The following NOL10 variants were observed in gnomAD, a reference collection of about 807,000 sequenced individuals.
NOL10 encodes the protein nucleolar protein 10.
A neutral mutation model predicts 103.5 loss-of-function variants in NOL10; 58 were observed. The observed-to-expected ratio is 0.56, with a 90% CI of 0.45 to 0.70. NOL10 has a LOEUF of 0.70. Ranked by LOEUF, NOL10 falls within the 30% of genes least tolerant of loss-of-function variation. The pLI is 0.00. For synonymous variants in NOL10, 287 were observed against 282.5 expected (o/e 1.02, Z -0.16); for missense variants, 763 against 807.3 (o/e 0.95, Z 0.67).
At chr2:10,607,058 G>C (rs1676298106) in intron 14 of NOL10, 127 bp downstream of exon 14, 3 of 537,084 alleles carry the variant, frequency 5.6e-6, no homozygotes, top group Admixed American at 3.7e-5. Flanking sequence ...TTTAATATCT[G>C]ATTTGGCAGA....
At chr2:10,601,539 C>CT (rs1245480221) in intron 16 of NOL10, among the ~76,000 whole-genome samples, 1 of 152,124 alleles carries the variant, frequency 6.6e-6, no homozygotes, top group East Asian at 1.9e-4. Flanking sequence ...TGAGAGGCAG[C>CT]GCAATGGCTC....
At chr2:10,609,431 CAAAAAA>C (rs60104799) in intron 13 of NOL10, among the ~76,000 whole-genome samples, 204 of 111,566 alleles carry the variant, frequency 1.8e-3, no homozygotes, top group South Asian at 7.3e-3. Context: ...ACTAAAAATA[CAAAAAA>C]AAAAAAAAAA....
chr2:10,611,314 C>A (rs919317105), intron 13 of NOL10, among the ~76,000 whole-genome samples: 6 of 152,178 alleles, frequency 3.9e-5, no homozygotes, highest in African/African-American at 1.4e-4. Flanking sequence ...TCTGCTTGTG[C>A]CAATCTACTT....
rs192380098 is a variant in NOL10, at chr2:10,608,988, A to T, written c.1027-1677T>A. ...CCTTCAAGAAATGCAAGGCATTTTT[A>T]AAAAATTCCATATAGAACACTTTTT... On this transcript the variant is annotated intron_variant, in intron 13 of 20. Coordinates refer to ENST00000381685, the MANE Select transcript of NOL10 (RefSeq NM_024894.4). Among the ~76,000 whole-genome samples the T allele has an allele frequency of 1.1e-3, 161 of 152,298 alleles. 1 individual carries two copies. The highest frequency in any genetic ancestry group is 2.6e-3 in the African/African-American group (108 of 41,558).
intron 8 of NOL10, among the ~76,000 whole-genome samples, chr2:10,665,145 G>C (rs569095635): frequency 6.6e-6 from 1 of 152,042 alleles, no homozygotes; most frequent in Non-Finnish European, 1.5e-5. Context: ...ATGAATAATC[G>C]AAGGGAAACC....
intron 10 of NOL10, among the ~76,000 whole-genome samples, chr2:10,658,815 C>T (rs763081883): frequency 2.0e-5 from 3 of 152,184 alleles, no homozygotes; most frequent in South Asian, 2.1e-4. Context: ...CGGTGGCTCA[C>T]GCCTGTAATC....
At chr2:10,670,897 A>G (rs577848866) in intron 6 of NOL10, among the ~76,000 whole-genome samples, 3 of 152,382 alleles carry the variant, frequency 2.0e-5, no homozygotes, top group East Asian at 1.9e-4. Flanking sequence ...AAATTTTTGA[A>G]AACTTGCTAA....
chr2:10,658,572 T>TAA (rs56898918), intron 10 of NOL10, among the ~76,000 whole-genome samples: 2 of 145,482 alleles, frequency 1.4e-5, no homozygotes, highest in Non-Finnish European at 3.0e-5. Context: ...GATGCTATAT[T>TAA]AAAAAAAAAA....
chr2:10,685,898 T>C (rs1035090431), intron 1 of NOL10, among the ~76,000 whole-genome samples: 3 of 92,650 alleles, frequency 3.2e-5, no homozygotes, highest in East Asian at 2.8e-4. Flanking sequence ...TCACTGTCTC[T>C]ACAAAAAAAA....
chr2:10,663,941 A>G (rs540556995), intron 8 of NOL10, among the ~76,000 whole-genome samples: 47 of 148,872 alleles, frequency 3.2e-4, no homozygotes, highest in Non-Finnish European at 5.1e-4. Context: ...ACAGAGCGAG[A>G]CTCCGTCTCC....
intron 19 of NOL10, among the ~76,000 whole-genome samples, 165 bp downstream of exon 19, chr2:10,588,876 TCA>T (rs1199492842): frequency 1.3e-5 from 2 of 152,156 alleles, no homozygotes; most frequent in African/African-American, 4.8e-5. Flanking sequence ...GGTGCTTCCC[TCA>T]CATCACCTCC....
At chr2:10,667,111 C>A (rs915905131) in intron 8 of NOL10, 107 bp downstream of exon 8, 9 of 754,370 alleles carry the variant, frequency 1.2e-5, no homozygotes, top group Non-Finnish European at 2.0e-5. Context: ...CAAGCTATCA[C>A]CTCATTATCA....
intron 13 of NOL10, among the ~76,000 whole-genome samples, chr2:10,614,086 A>G (rs1676712476): frequency 6.6e-6 from 1 of 151,844 alleles, no homozygotes; most frequent in Non-Finnish European, 1.5e-5. Context: ...CAGACTCCCT[A>G]GTAGCTGGGA....
At chr2:10,601,071 AT>A (rs910126120) in intron 16 of NOL10, 129 bp from the exon 17 acceptor site, 3,617 of 517,466 alleles carry the variant, frequency 7.0e-3, no homozygotes, top group East Asian at 0.011. Context: ...TTATTTTATT[AT>A]TTTTTTTTTG....
intron 13 of NOL10, among the ~76,000 whole-genome samples, chr2:10,609,636 A>G (rs777085492): frequency 3.3e-5 from 5 of 152,192 alleles, no homozygotes; most frequent in Admixed American, 2.0e-4. Context: ...GAAGGAGCAC[A>G]TGAGCAAGCT....
chr2:10,643,427 G>A (rs1388064362), intron 13 of NOL10, among the ~76,000 whole-genome samples: 1 of 152,148 alleles, frequency 6.6e-6, no homozygotes, highest in Non-Finnish European at 1.5e-5. Flanking sequence ...GATGTCTGCT[G>A]AGTATAAAGT....
intron 6 of NOL10, among the ~76,000 whole-genome samples, chr2:10,670,831 CTAAT>C (rs1680884395): frequency 6.6e-6 from 1 of 152,270 alleles, no homozygotes; most frequent in South Asian, 2.1e-4. Flanking sequence ...GACATCTGTC[CTAAT>C]TAGTTTCTTA....
chr2:10,678,280 G>A (rs1681471738), intron 3 of NOL10, among the ~76,000 whole-genome samples: 1 of 151,598 alleles, frequency 6.6e-6, no homozygotes, highest in Admixed American at 6.6e-5. Flanking sequence ...TTGAACTCCT[G>A]GCCTCAATTA....
intron 13 of NOL10, among the ~76,000 whole-genome samples, chr2:10,608,946 C>T (rs1188057333): frequency 6.6e-6 from 1 of 151,978 alleles, no homozygotes; most frequent in East Asian, 1.9e-4. Context: ...GGTTTGACTC[C>T]AACCATAAAA....
Sources: gnomAD v4.1 joint callset for allele counts (sites outside exome capture counted in the v4.1 genomes callset) on GRCh38, gnomAD v4.1.1 for gene constraint, MANE v1.5 for transcripts, NCBI Gene and HGNC (gene_info 2026-07-23, HGNC 2026-07-21) for gene names.